The following TRAPPC9 variants were observed in gnomAD, a reference collection of about 807,000 sequenced individuals.
TRAPPC9 encodes IKK2 binding protein.
TRAPPC9 carries 83 observed loss-of-function variants against 124.0 expected under a neutral mutation model. The ratio of observed to expected loss-of-function variants is 0.67; its 90% CI spans 0.56 to 0.80. TRAPPC9 has a LOEUF of 0.80. Among genes scored for constraint, TRAPPC9 ranks in the 30% least tolerant of loss-of-function variants. TRAPPC9 has a pLI of 0.00. For synonymous variants in TRAPPC9, 638 were observed against 617.5 expected (o/e 1.03, Z -0.49); for missense variants, 1,302 against 1,508.3 (o/e 0.86, Z 2.27).
chr8:140,167,746 C>T (rs1014766858), intron 17 of TRAPPC9, among the ~76,000 whole-genome samples: 2 of 152,150 alleles, frequency 1.3e-5, no homozygotes, highest in Non-Finnish European at 2.9e-5. Context: ...ATGTATTTCT[C>T]TTTCTTTCAT....
chr8:140,431,030 G>A (rs539432322), intron 4 of TRAPPC9, among the ~76,000 whole-genome samples: 1 of 152,094 alleles, frequency 6.6e-6, no homozygotes, highest in African/African-American at 2.4e-5. Flanking sequence ...AAGAAAACAG[G>A]GGTGTTTTTA....
intron 9 of TRAPPC9, among the ~76,000 whole-genome samples, chr8:140,330,347 C>T (rs2066863999): frequency 6.6e-6 from 1 of 152,024 alleles, no homozygotes; most frequent in South Asian, 2.1e-4. Context: ...TATGACAAAC[C>T]AGGAGATATG....
intron 2 of TRAPPC9, among the ~76,000 whole-genome samples, chr8:140,447,667 T>C (rs1588375273): frequency 6.6e-6 from 1 of 152,102 alleles, no homozygotes; most frequent in African/African-American, 2.4e-5. Flanking sequence ...GTCCCGAAGG[T>C]AGAATGACCT....
chr8:139,880,246 C>T (rs984786513), intron 21 of TRAPPC9, among the ~76,000 whole-genome samples: 5 of 152,134 alleles, frequency 3.3e-5, no homozygotes, highest in African/African-American at 9.7e-5. Flanking sequence ...TGCAGGCGGC[C>T]GGCATAGCCA....
chr8:140,078,802 C>T (rs1373976524), intron 17 of TRAPPC9, among the ~76,000 whole-genome samples: 1 of 152,090 alleles, frequency 6.6e-6, no homozygotes, highest in Non-Finnish European at 1.5e-5. Context: ...CCCTCCCTGC[C>T]CCCAGTCACC....
intron 17 of TRAPPC9, among the ~76,000 whole-genome samples, chr8:140,109,980 T>C (rs557588410): frequency 2.0e-5 from 3 of 152,232 alleles, no homozygotes; most frequent in South Asian, 4.1e-4. Flanking sequence ...GATTTGCTTA[T>C]ACCCTCTGCT....
intron 2 of TRAPPC9, among the ~76,000 whole-genome samples, chr8:140,441,723 C>T (rs988047495): frequency 2.6e-5 from 4 of 152,152 alleles, no homozygotes; most frequent in African/African-American, 9.7e-5. Flanking sequence ...CAACCCCTTG[C>T]TCAGCTAATA....
At chr8:140,070,114 G>A (rs1843084315) in intron 17 of TRAPPC9, among the ~76,000 whole-genome samples, 3 of 152,200 alleles carry the variant, frequency 2.0e-5, no homozygotes, top group African/African-American at 4.8e-5. Context: ...CGCGTTACCA[G>A]TTCTCCAGGT....
chr8:139,761,016 G>A (rs1820183186), intron 21 of TRAPPC9, among the ~76,000 whole-genome samples: 1 of 152,248 alleles, frequency 6.6e-6, no homozygotes, highest in Non-Finnish European at 1.5e-5. Context: ...TGACTTGGTT[G>A]CTTAGCCTCT....
intron 4 of TRAPPC9, among the ~76,000 whole-genome samples, chr8:140,428,146 T>C (rs1229862008): frequency 6.6e-6 from 1 of 152,150 alleles, no homozygotes; most frequent in Admixed American, 6.6e-5. Flanking sequence ...TGGCCAAATA[T>C]ATTATACTAT....
Position 140,342,074 on chromosome 8 carries a change from T to C in TRAPPC9, c.1495+17976A>G, listed in dbSNP as rs1482240003. Reference sequence around the variant, plus strand: ...AGGTCCCTCAGGATGAGTTGCCATATTCCGGACCAGAAGTGGCAGAGTCCA... The same window carrying C: ...AGGTCCCTCAGGATGAGTTGCCATACTCCGGACCAGAAGTGGCAGAGTCCA... On this transcript the variant is annotated intron_variant, in intron 9 of 22. Transcript: ENST00000438773. 3.3e-5 allele frequency among the ~76,000 whole-genome samples: 5 copies of C among 152,344 alleles called. No homozygotes were observed. In the East Asian group the frequency reaches 9.6e-4, roughly 29 times the overall value.
chr8:140,058,727 T>G (rs1440184936), intron 17 of TRAPPC9, among the ~76,000 whole-genome samples: 2 of 152,128 alleles, frequency 1.3e-5, no homozygotes, highest in East Asian at 3.8e-4. Context: ...AGACAGACAT[T>G]TAGGCAAATG....
At position 140,439,241 on chromosome 8, in the gene TRAPPC9, C is replaced by G. The variant is rs199532566; in HGVS notation, c.585-44G>C. ...TGTATCTTTATTACTATACAACTCC[C>G]ACCCAGAAAGCACTCTGACTAAGCA... On this transcript the variant is annotated intron_variant, in intron 2 of 22. Transcript: ENST00000438773. The G allele has an allele frequency of 7.4e-5, 119 of 1,606,296 alleles. 1 individual carries two copies. Among genetic ancestry groups the G allele is most frequent in the South Asian group, 1.3e-4 (12 of 90,952 alleles).
At chr8:140,373,958 G>A (rs2068360649) in intron 7 of TRAPPC9, among the ~76,000 whole-genome samples, 2 of 152,070 alleles carry the variant, frequency 1.3e-5, no homozygotes, top group Non-Finnish European at 2.9e-5. Flanking sequence ...ATTTCCTCCC[G>A]GTCTGTTGCC....
At chr8:139,884,799 A>G (rs1829894579) in intron 21 of TRAPPC9, among the ~76,000 whole-genome samples, 1 of 152,216 alleles carries the variant, frequency 6.6e-6, no homozygotes, top group Non-Finnish European at 1.5e-5. Context: ...GAGGAGGAAG[A>G]GGCCACAGAA....
chr8:140,450,524 G>A (rs1490137629), intron 2 of TRAPPC9, among the ~76,000 whole-genome samples: 3 of 152,092 alleles, frequency 2.0e-5, no homozygotes, highest in Admixed American at 6.6e-5. Flanking sequence ...GGAGTCCCAC[G>A]AGGGGAGCCC....
At chr8:140,060,224 A>AG (rs1458047536) in intron 17 of TRAPPC9, among the ~76,000 whole-genome samples, 1 of 152,188 alleles carries the variant, frequency 6.6e-6, no homozygotes. Context: ...ACTGCTAAGT[A>AG]GGGGGCTTTT....
chr8:139,896,144 G>A (rs1267615958), intron 20 of TRAPPC9, among the ~76,000 whole-genome samples: 1 of 152,200 alleles, frequency 6.6e-6, no homozygotes, highest in African/African-American at 2.4e-5. Flanking sequence ...AGCCCTGTAA[G>A]CCACCCAAAC....
intron 17 of TRAPPC9, among the ~76,000 whole-genome samples, chr8:140,140,861 C>T (rs2061372159): frequency 6.6e-6 from 1 of 152,014 alleles, no homozygotes; most frequent in South Asian, 2.1e-4. Context: ...CTACAATCAC[C>T]ACCCCAATGG....
Sources: gnomAD v4.1 joint callset for allele counts (sites outside exome capture counted in the v4.1 genomes callset) on GRCh38, gnomAD v4.1.1 for gene constraint, MANE v1.5 for transcripts, NCBI Gene and HGNC (gene_info 2026-07-23, HGNC 2026-07-21) for gene names.